MGAT4C: variants seen among roughly 807,000 people sequenced by gnomAD.
MGAT4C encodes MGAT4 family member C.
Under a neutral mutation model 40.1 loss-of-function variants are expected in MGAT4C, and 19 were observed. The ratio of observed to expected loss-of-function variants is 0.47; its 90% CI spans 0.33 to 0.70. The LOEUF (loss-of-function observed/expected upper bound fraction) is 0.70, where lower values mean the gene tolerates loss of function less well. Ranked by LOEUF, MGAT4C falls within the 30% of genes least tolerant of loss-of-function variation. The pLI is 0.02. For synonymous variants in MGAT4C, 181 were observed against 187.1 expected (o/e 0.97, Z 0.27); for missense variants, 491 against 563.2 (o/e 0.87, Z 1.30).
At chr12:86,062,131 C>T (rs1217873197) in intron 1 of MGAT4C, among the ~76,000 whole-genome samples, 1 of 151,476 alleles carries the variant, frequency 6.6e-6, no homozygotes, top group Non-Finnish European at 1.5e-5. Flanking sequence ...AGAGCTCTGG[C>T]TGGCATCTGG....
At chr12:86,675,348 C>T (rs1017647588) in intron 2 of MGAT4C, among the ~76,000 whole-genome samples, 53 of 152,164 alleles carry the variant, frequency 3.5e-4, no homozygotes, top group African/African-American at 1.3e-3. Flanking sequence ...TCCCAGCCTT[C>T]ATCATGAACA....
intron 2 of MGAT4C, among the ~76,000 whole-genome samples, chr12:86,611,456 T>TGATAGATA (rs5799787): frequency 0.32 from 45,181 of 143,344 alleles, 7,305 homozygotes; most frequent in East Asian, 0.33. Context: ...GATAGATAGA[T>TGATAGATA]GATAGATAGA....
intron 1 of MGAT4C, among the ~76,000 whole-genome samples, chr12:86,781,658 C>A (rs987058826): frequency 4.9e-4 from 75 of 152,114 alleles, no homozygotes; most frequent in Non-Finnish European, 7.5e-4. Flanking sequence ...GACAACATCC[C>A]TGTCCTCATA....
chr12:86,549,150 G>A (rs1342109857), intron 2 of MGAT4C, among the ~76,000 whole-genome samples: 1 of 152,136 alleles, frequency 6.6e-6, no homozygotes. Context: ...AACATTGACT[G>A]TGATGATCTT....
chr12:86,771,418 G>A (rs1466781247), intron 1 of MGAT4C, among the ~76,000 whole-genome samples: 1 of 152,086 alleles, frequency 6.6e-6, no homozygotes, highest in Non-Finnish European at 1.5e-5. Context: ...ATGTTACAAA[G>A]AGTCTAGATT....
chr12:86,405,444 T>C (rs1330911857), intron 3 of MGAT4C, among the ~76,000 whole-genome samples: 1 of 152,008 alleles, frequency 6.6e-6, no homozygotes, highest in Non-Finnish European at 1.5e-5. Flanking sequence ...CAGACTTGTA[T>C]GCTGAAAACT....
At chr12:86,482,379 G>A (rs1475720302) in intron 2 of MGAT4C, among the ~76,000 whole-genome samples, 1 of 152,010 alleles carries the variant, frequency 6.6e-6, no homozygotes, top group Admixed American at 6.6e-5. Context: ...ATTCTCAGCA[G>A]ATTGACATAG....
intron 2 of MGAT4C, among the ~76,000 whole-genome samples, chr12:86,717,666 A>C (rs569265517): frequency 6.6e-6 from 1 of 152,198 alleles, no homozygotes; most frequent in African/African-American, 2.4e-5. Flanking sequence ...ACAATGGAAG[A>C]TAACATAAAA....
intron 1 of MGAT4C, among the ~76,000 whole-genome samples, chr12:86,074,697 C>T (rs957793806): frequency 2.0e-5 from 3 of 152,134 alleles, no homozygotes; most frequent in Non-Finnish European, 1.5e-5. Flanking sequence ...ACTCACAGTT[C>T]CACGTGGCTG....
intron 2 of MGAT4C, among the ~76,000 whole-genome samples, chr12:86,443,885 T>G (rs1957284636): frequency 6.6e-6 from 1 of 152,152 alleles, no homozygotes; most frequent in African/African-American, 2.4e-5. Context: ...CATGCCACCA[T>G]GCCCGGCCTG....
intron 1 of MGAT4C, among the ~76,000 whole-genome samples, chr12:86,167,871 C>T (rs547246748): frequency 2.0e-5 from 3 of 152,106 alleles, no homozygotes; most frequent in East Asian, 1.9e-4. Context: ...TTCTTAAAAG[C>T]GTAACTAAGT....
intron 1 of MGAT4C, among the ~76,000 whole-genome samples, chr12:86,821,650 C>G (rs763628843): frequency 1.6e-4 from 24 of 150,844 alleles, no homozygotes; most frequent in Non-Finnish European, 3.0e-4. Flanking sequence ...TTTCTTAAAG[C>G]CTTTTTCAAG....
At chr12:86,361,713 C>T (rs1566322287) in intron 3 of MGAT4C, among the ~76,000 whole-genome samples, 1 of 152,184 alleles carries the variant, frequency 6.6e-6, no homozygotes, top group African/African-American at 2.4e-5. Context: ...GACATTTATG[C>T]AGCCAACAGA....
chr12:86,159,990 A>T (rs2135796441), intron 1 of MGAT4C, among the ~76,000 whole-genome samples: 1 of 152,126 alleles, frequency 6.6e-6, no homozygotes, highest in Admixed American at 6.5e-5. Context: ...TGAAAAACCA[A>T]TTCTTGGTTA....
chr12:85,996,490 G>T (rs1054826475), intron 2 of MGAT4C, among the ~76,000 whole-genome samples: 1 of 152,096 alleles, frequency 6.6e-6, no homozygotes, highest in Non-Finnish European at 1.5e-5. Flanking sequence ...ATGTTGTAAG[G>T]CATTAAATTT....
At chr12:86,373,105 G>A (rs1955752727) in intron 3 of MGAT4C, among the ~76,000 whole-genome samples, 1 of 151,584 alleles carries the variant, frequency 6.6e-6, no homozygotes, top group Non-Finnish European at 1.5e-5. Context: ...TTTTATAGGA[G>A]CACTATAAAC....
In MGAT4C at chr12:86,215,333, T is replaced by C. The variant is rs555087257; in HGVS notation, c.-57+40906A>G. Reference sequence around the variant, plus strand: ...CATAATCCAAAGCAAGACCCTCTAATAACAAATGGGGTATCTTTGCAATTT... The same window carrying C: ...CATAATCCAAAGCAAGACCCTCTAACAACAAATGGGGTATCTTTGCAATTT... On this transcript the variant is annotated intron_variant, in intron 1 of 4. Transcript: ENST00000611864. 7.2e-5 allele frequency among the ~76,000 whole-genome samples: 11 copies of C among 152,322 alleles called. No homozygotes were observed. In the South Asian group the frequency reaches 1.9e-3, roughly 26 times the overall value.
rs561463071 is a variant in MGAT4C, at chr12:86,573,490, C to T, written c.-228-138225G>A. ...CTCCCACACATTCAAAACATGCTTA[C>T]TGTTTGATTTTAGTTAGTGACGTAA... On this transcript the variant is annotated intron_variant, in intron 2 of 7. Coordinates refer to the MGAT4C transcript ENST00000548651. 2.6e-5 allele frequency among the ~76,000 whole-genome samples: 4 copies of T among 152,106 alleles called. No homozygotes were observed. In the East Asian group the frequency reaches 7.7e-4, roughly 29 times the overall value.
At chr12:85,998,147 C>T (rs1886848960) in intron 2 of MGAT4C, among the ~76,000 whole-genome samples, 1 of 152,246 alleles carries the variant, frequency 6.6e-6, no homozygotes, top group Non-Finnish European at 1.5e-5. Context: ...GGCTTGCACC[C>T]TCTGAAGCAA....
Sources: allele counts gnomAD v4.1 joint callset (sites outside exome capture counted in the v4.1 genomes callset), GRCh38; gene constraint gnomAD v4.1.1; transcripts MANE v1.5; gene names NCBI Gene and HGNC (gene_info 2026-07-23, HGNC 2026-07-21).